POU2F1: variants seen among roughly 807,000 people sequenced by gnomAD.
POU2F1 encodes the protein POU class 2 homeobox 1, also known as POU domain, class 2, transcription factor 1.
Under a neutral mutation model 84.9 loss-of-function variants are expected in POU2F1, and 16 were observed. The ratio of observed to expected loss-of-function variants is 0.19; its 90% CI spans 0.13 to 0.29. The LOEUF (loss-of-function observed/expected upper bound fraction) is 0.29. POU2F1 is among the 10% of genes least tolerant of loss of function. POU2F1 has a pLI of 1.00. For missense variants in POU2F1, 738 were observed against 942.6 expected (o/e 0.78, Z 2.84); for synonymous variants, 368 against 368.3 (o/e 1.00, Z 0.01).
chr1:167,370,707 T>C (rs939640601), intron 4 of POU2F1, among the ~76,000 whole-genome samples: 4 of 152,222 alleles, frequency 2.6e-5, no homozygotes, highest in Admixed American at 2.6e-4. Flanking sequence ...GGGTTCAGTT[T>C]TTCTCATCTG....
intron 1 of POU2F1, among the ~76,000 whole-genome samples, chr1:167,317,541 C>A (rs1008567226): frequency 6.6e-6 from 1 of 152,204 alleles, no homozygotes; most frequent in African/African-American, 2.4e-5. Context: ...AGTAATAAGC[C>A]TTGTTTCTAT....
chr1:167,289,321 A>G (rs1005256799), intron 1 of POU2F1, among the ~76,000 whole-genome samples: 5 of 152,240 alleles, frequency 3.3e-5, no homozygotes, highest in African/African-American at 1.2e-4. Flanking sequence ...TGTACTGAAC[A>G]TGACTTATAA....
chr1:167,279,664 G>A (rs1449650116), intron 1 of POU2F1, among the ~76,000 whole-genome samples: 1 of 152,106 alleles, frequency 6.6e-6, no homozygotes, highest in Middle Eastern at 3.2e-3. Context: ...ATTGCGGTGA[G>A]CTGAGATTGC....
At chr1:167,280,151 G>A (rs1012083575) in intron 1 of POU2F1, among the ~76,000 whole-genome samples, 20 of 149,768 alleles carry the variant, frequency 1.3e-4, no homozygotes, top group Non-Finnish European at 1.9e-4. Context: ...CTGAGATTGT[G>A]CACTCCAGCC....
intron 1 of POU2F1, 77 bp downstream of exon 1, chr1:167,221,035 T>A: frequency 7.9e-7 from 1 of 1,273,342 alleles, no homozygotes; most frequent in East Asian, 2.5e-5. Context: ...CGACTTAGCA[T>A]AATTTATTAG....
intron 1 of POU2F1, 60 bp downstream of exon 1, chr1:167,221,018 C>A (rs1243336582): frequency 7.3e-7 from 1 of 1,377,948 alleles, no homozygotes; most frequent in Non-Finnish European, 1.0e-6. Flanking sequence ...CCCGCTGCCC[C>A]CCCCCGCGAC....
chr1:167,240,842 T>C (rs553436516), intron 1 of POU2F1, among the ~76,000 whole-genome samples: 1 of 152,070 alleles, frequency 6.6e-6, no homozygotes, highest in Non-Finnish European at 1.5e-5. Flanking sequence ...CCTTGTTCTG[T>C]AATGAAATTA....
intron 1 of POU2F1, among the ~76,000 whole-genome samples, chr1:167,266,619 T>C (rs1307706087): frequency 1.3e-5 from 2 of 151,024 alleles, no homozygotes; most frequent in Non-Finnish European, 2.9e-5. Context: ...GGTAATACTA[T>C]TAATTTTTTT....
chr1:167,260,692 G>A (rs1571185829), intron 1 of POU2F1, among the ~76,000 whole-genome samples: 1 of 151,992 alleles, frequency 6.6e-6, no homozygotes, highest in African/African-American at 2.4e-5. Context: ...TTCTTTTGAC[G>A]CTAATTTCCT....
rs1364516006 is a variant in POU2F1, at chr1:167,419,307, A to G, written c.*3497A>G. ...GAAGAAAGGCCAGATAGGTCATCACAATTCATTGTATTATTCTTTTTTTTT... is the reference window on the plus strand; with the variant it reads ...GAAGAAAGGCCAGATAGGTCATCACGATTCATTGTATTATTCTTTTTTTTT... On this transcript the variant is annotated 3_prime_UTR_variant, in exon 16 of 16. Transcript: ENST00000367866. 1 of 152,180 alleles carries G rather than the reference A, an allele frequency of 6.6e-6. No homozygotes were observed. Among genetic ancestry groups the G allele is most frequent in the Non-Finnish European group, 1.5e-5 (1 of 68,036 alleles). 9.4% of individuals were successfully genotyped at this position (152,180 alleles called of 1,614,324 possible). A position where few individuals can be genotyped will look rare whatever the true frequency, so the allele number is the denominator to read the frequency against.
intron 8 of POU2F1, chr1:167,387,182 T>C (rs1480449142): frequency 2.2e-6 from 1 of 455,922 alleles, no homozygotes; most frequent in East Asian, 6.9e-5. Context: ...CATTTCTAGA[T>C]CTGGCCCAGT....
intron 1 of POU2F1, among the ~76,000 whole-genome samples, chr1:167,327,137 G>A (rs1469231258): frequency 6.6e-6 from 1 of 152,106 alleles, no homozygotes; most frequent in Non-Finnish European, 1.5e-5. Flanking sequence ...AATACAAAGT[G>A]GTGTGAAATA....
chr1:167,372,161 T>G (rs757856747), intron 5 of POU2F1, 125 bp downstream of exon 5: 2 of 1,237,992 alleles, frequency 1.6e-6, no homozygotes, highest in Non-Finnish European at 2.2e-6. Context: ...CTATTGTGTC[T>G]TTAAGGAACT....
intron 3 of POU2F1, among the ~76,000 whole-genome samples, 188 bp from the exon 4 acceptor site, chr1:167,369,973 C>T (rs534961424): frequency 6.9e-6 from 1 of 144,844 alleles, no homozygotes; most frequent in Non-Finnish European, 1.5e-5. Context: ...CTGTGGGACC[C>T]GTTGGGGTGG....
Position 167,370,607 on chromosome 1 carries a change from C to CACTGG in POU2F1, c.282+398_282+402dup, listed in dbSNP as rs527398541. Among the ~76,000 whole-genome samples, 9 of 152,028 alleles carry CACTGG rather than the reference C, an allele frequency of 5.9e-5. No homozygotes were observed. The South Asian group carries it at 1.9e-3, about 32-fold the overall frequency. On this transcript the variant is annotated intron_variant, in intron 4 of 15. Transcript: ENST00000367866. Reference sequence around the variant, plus strand: ...AGACCTTATAGGGAAGAGGAAAGAACACTGGACTGAGACACAAGGGTCTTA... The same window carrying CACTGG: ...AGACCTTATAGGGAAGAGGAAAGAACACTGGACTGGACTGAGACACAAGGGTCTTA...
intron 1 of POU2F1, among the ~76,000 whole-genome samples, chr1:167,294,172 C>CAAAAAAAAAA (rs60846607): frequency 6.5e-5 from 2 of 30,956 alleles, no homozygotes; most frequent in African/African-American, 1.4e-4. Flanking sequence ...TACTAAAATA[C>CAAAAAAAAAA]AAAAAAAAAA....
intron 13 of POU2F1, among the ~76,000 whole-genome samples, chr1:167,405,717 T>C (rs1372718037): frequency 6.6e-6 from 1 of 152,046 alleles, no homozygotes; most frequent in East Asian, 1.9e-4. Context: ...GTGAAGGATA[T>C]ACAACATTTG....
chr1:167,380,301 T>C (rs1647429211), intron 7 of POU2F1: 1 of 152,238 alleles, frequency 6.6e-6, no homozygotes, highest in Admixed American at 6.5e-5. Flanking sequence ...TAAACACATG[T>C]AAGGCACCTT....
At chr1:167,302,751 C>A (rs1369929759) in intron 1 of POU2F1, among the ~76,000 whole-genome samples, 1 of 152,180 alleles carries the variant, frequency 6.6e-6, no homozygotes, top group Non-Finnish European at 1.5e-5. Context: ...ACTACTCAAT[C>A]AGTTACACTG....
Sources: gnomAD v4.1 joint callset for allele counts (sites outside exome capture counted in the v4.1 genomes callset) on GRCh38, gnomAD v4.1.1 for gene constraint, MANE v1.5 for transcripts, NCBI Gene and HGNC (gene_info 2026-07-23, HGNC 2026-07-21) for gene names.